ATP10A: variants seen among roughly 807,000 people sequenced by gnomAD.
ATP10A encodes the protein phospholipid-transporting ATPase VA.
A neutral mutation model predicts 147.8 loss-of-function variants in ATP10A; 111 were observed. The ratio of observed to expected loss-of-function variants is 0.75; its 90% CI spans 0.64 to 0.88. The LOEUF is 0.88. Among genes scored for constraint, ATP10A ranks in the 40% least tolerant of loss-of-function variants. The probability of loss-of-function intolerance (pLI) is 0.00; values close to 1 mark genes in which losing one functional copy is unlikely to be tolerated. For missense variants in ATP10A, 1,927 were observed against 1,959.0 expected (o/e 0.98, Z 0.31); for synonymous variants, 875 against 841.6 (o/e 1.04, Z -0.69).
rs757647737 is a variant in ATP10A at position 25,713,658 on chromosome 15, G to A, written c.2344+16C>T. On this transcript the variant is annotated intron_variant, in intron 10 of 20. Coordinates refer to ENST00000555815, the MANE Select transcript of ATP10A (RefSeq NM_024490.4). ...CTCCCCCGAGCTGGGGTGCAGCTGG[G>A]CAGGGGTGGGAGTACCTGAAGAGCA... 3.7e-6 allele frequency: 6 copies of A among 1,611,562 alleles called. No homozygotes were observed. The highest frequency in any genetic ancestry group is 2.7e-5 in the African/African-American group (2 of 74,980).
In ATP10A at chr15:25,756,284, T is replaced by A. The variant is rs1046578131; in HGVS notation, c.655-20143A>T. On this transcript the variant is annotated intron_variant, in intron 2 of 20. Coordinates refer to ENST00000555815, the MANE Select transcript of ATP10A (RefSeq NM_024490.4). ...GTGTCTGTTTGTCTATATGTCTGTA[T>A]GTGTTCTGTGTATGTGATATTTCTC... Among the ~76,000 whole-genome samples the A allele has an allele frequency of 3.3e-5, 5 of 152,226 alleles. No individual in the cohort carries two copies. In the East Asian group the frequency reaches 9.6e-4, roughly 29 times the overall value.
At chr15:25,739,740 A>G (rs1490544979) in intron 2 of ATP10A, among the ~76,000 whole-genome samples, 1 of 152,250 alleles carries the variant, frequency 6.6e-6, no homozygotes, top group East Asian at 1.9e-4. Context: ...AACATGTTCA[A>G]ATAAATATCT....
At chr15:25,700,961 G>A (rs571247542) in intron 13 of ATP10A, among the ~76,000 whole-genome samples, 72 of 151,958 alleles carry the variant, frequency 4.7e-4, no homozygotes, top group African/African-American at 1.5e-3. Flanking sequence ...GAAGGCACAG[G>A]CTCTGAAGCA....
At chr15:25,828,071 G>A (rs1596630) in intron 1 of ATP10A, among the ~76,000 whole-genome samples, 140,016 of 152,210 alleles carry the variant, frequency 0.92, 65,188 homozygotes, top group Non-Finnish European at 1. Context: ...GACATTTTAT[G>A]ATGAAAAAAA....
intron 1 of ATP10A, among the ~76,000 whole-genome samples, chr15:25,798,275 C>A (rs1890775191): frequency 6.6e-6 from 1 of 152,156 alleles, no homozygotes; most frequent in Admixed American, 6.5e-5. Context: ...GCACCTGGTG[C>A]AGTGTGCGCT....
downstream of ATP10A, among the ~76,000 whole-genome samples, chr15:25,675,104 G>A (rs1284227417): frequency 1.3e-5 from 2 of 152,204 alleles, no homozygotes; most frequent in Non-Finnish European, 2.9e-5. Context: ...TGGAAGCCGC[G>A]GATGGTCTCC....
chr15:25,742,632 C>T (rs967684846), intron 2 of ATP10A, among the ~76,000 whole-genome samples: 18 of 152,186 alleles, frequency 1.2e-4, no homozygotes, highest in African/African-American at 3.9e-4. Context: ...TGGCCCCAAA[C>T]GCTCCATGCT....
chr15:25,810,170 C>A (rs541004670), intron 1 of ATP10A, among the ~76,000 whole-genome samples: 2 of 152,284 alleles, frequency 1.3e-5, no homozygotes, highest in South Asian at 2.1e-4. Flanking sequence ...ATGATGGATG[C>A]GGGGCTAGAG....
At chr15:25,680,508 G>A (rs573230434) in intron 19 of ATP10A, among the ~76,000 whole-genome samples, 200 bp from the exon 20 acceptor site, 1 of 152,158 alleles carries the variant, frequency 6.6e-6, no homozygotes, top group East Asian at 1.9e-4. Context: ...ATGCACATGA[G>A]GTGAGATGGA....
At chr15:25,852,585 C>T (rs1381671595) in intron 1 of ATP10A, among the ~76,000 whole-genome samples, 1 of 152,096 alleles carries the variant, frequency 6.6e-6, no homozygotes, top group Non-Finnish European at 1.5e-5. Flanking sequence ...CTCCCTAAAC[C>T]TAAAATCCAG....
In ATP10A at chr15:25,718,333, G is replaced by A. The variant is rs1322795328; in HGVS notation, c.1430C>T (p.Ser477Leu). 1.2e-6 allele frequency: 2 copies of A among 1,610,630 alleles called. No individual in the cohort carries two copies. Among genetic ancestry groups the A allele is most frequent in the East Asian group, 2.2e-5 (1 of 44,822 alleles). The change falls in exon 8 of 21, where the codon TCG (serine) becomes TTG (leucine). Residue 477 changes from serine (S) to leucine (L), a missense_variant. Coordinates refer to ENST00000555815, the MANE Select transcript of ATP10A (RefSeq NM_024490.4). Reference sequence around the variant, plus strand: ...GCCGATGCTGCCGCGCTGGGACACCGAGCCCCCTCTGGGCACCACCTCCTC... The same window carrying A: ...GCCGATGCTGCCGCGCTGGGACACCAAGCCCCCTCTGGGCACCACCTCCTC... ...EEEEVVPRGGSVSQRGSIGSH... is the reference protein window; with the variant it reads ...EEEEVVPRGGLVSQRGSIGSH...
At chr15:25,822,790 C>T (rs1891945087) in intron 1 of ATP10A, among the ~76,000 whole-genome samples, 1 of 152,166 alleles carries the variant, frequency 6.6e-6, no homozygotes, top group Non-Finnish European at 1.5e-5. Context: ...AGCAGTATAT[C>T]ATCAATTCAC....
chr15:25,773,701 T>G (rs1889456647), intron 2 of ATP10A, among the ~76,000 whole-genome samples: 1 of 152,154 alleles, frequency 6.6e-6, no homozygotes, highest in African/African-American at 2.4e-5. Context: ...TAAAGCAATA[T>G]CACTTCATTT....
At chr15:25,859,484 G>A (rs1893660219) in intron 1 of ATP10A, among the ~76,000 whole-genome samples, 1 of 152,138 alleles carries the variant, frequency 6.6e-6, no homozygotes, top group Admixed American at 6.5e-5. Flanking sequence ...GATCAGAGGG[G>A]CTTCCCACAC....
At chr15:25,751,824 C>CA (rs1344692970) in intron 2 of ATP10A, among the ~76,000 whole-genome samples, 2 of 151,906 alleles carry the variant, frequency 1.3e-5, no homozygotes, top group Non-Finnish European at 2.9e-5. Flanking sequence ...AACAAGAAAA[C>CA]AAAAAATCAA....
At chr15:25,709,563 A>AGG (rs1901261929) in intron 10 of ATP10A, 1 of 152,218 alleles carries the variant, frequency 6.6e-6, no homozygotes, top group Non-Finnish European at 1.5e-5. Context: ...GAGCCCAGGG[A>AGG]GGGAGGATGG....
At chr15:25,790,759 A>T (rs1473513261) in intron 1 of ATP10A, among the ~76,000 whole-genome samples, 2 of 152,224 alleles carry the variant, frequency 1.3e-5, no homozygotes, top group Non-Finnish European at 2.9e-5. Context: ...CCTTTTCTGC[A>T]TATAATGGTA....
intron 1 of ATP10A, among the ~76,000 whole-genome samples, chr15:25,807,439 C>T (rs376611955): frequency 1.1e-4 from 17 of 152,342 alleles, no homozygotes; most frequent in Middle Eastern, 6.8e-3. Context: ...GTTCTTGTGA[C>T]GACAGCTGAA....
intron 2 of ATP10A, among the ~76,000 whole-genome samples, chr15:25,744,474 T>C (rs1451661072): frequency 6.6e-6 from 1 of 152,072 alleles, no homozygotes; most frequent in Non-Finnish European, 1.5e-5. Flanking sequence ...TAACCAGGCA[T>C]AACAGGATGT....
Sources: gnomAD v4.1 joint callset for allele counts (sites outside exome capture counted in the v4.1 genomes callset) on GRCh38, gnomAD v4.1.1 for gene constraint, MANE v1.5 for transcripts, NCBI Gene and HGNC (gene_info 2026-07-23, HGNC 2026-07-21) for gene names.